The following EPAS1 variants were observed in gnomAD, a reference collection of about 807,000 sequenced individuals.
EPAS1 encodes endothelial PAS domain-containing protein 1.
In EPAS1, 23 loss-of-function variants were observed where a neutral mutation model predicts 87.9. The ratio of observed to expected loss-of-function variants is 0.26; its 90% confidence interval spans 0.19 to 0.37. The LOEUF (loss-of-function observed/expected upper bound fraction) is 0.37, where lower values mean the gene tolerates loss of function less well. Among genes scored for constraint, EPAS1 ranks in the 10% least tolerant of loss-of-function variants. The pLI, the probability that EPAS1 is intolerant of heterozygous loss-of-function variation, is 1.00. For synonymous variants in EPAS1, 508 were observed against 444.3 expected (o/e 1.14, Z -1.80); for missense variants, 1,138 against 1,120.7 (o/e 1.02, Z -0.22).
At chr2:46,337,449 C>G (rs1683816114) in intron 1 of EPAS1, among the ~76,000 whole-genome samples, 2 of 152,164 alleles carry the variant, frequency 1.3e-5, no homozygotes, top group Admixed American at 6.5e-5. Flanking sequence ...TAAGTCCCCC[C>G]TAGAGACTGA....
In EPAS1 at chr2:46,375,830, G is replaced by A. The variant is rs574490008; in HGVS notation, c.1027G>A (p.Val343Ile). The change falls in exon 8 of 16, where the codon GTC becomes ATC. Residue 343 changes from valine to isoleucine, a missense_variant. This residue lies in a region of EPAS1 where 284 missense variants were observed against 258.4 expected (regional missense o/e 1.10). Coordinates refer to ENST00000263734, the MANE Select transcript of EPAS1 (RefSeq NM_001430.5). The surrounding 1 kb of genome is among the most constrained non-coding windows in gnomAD (Gnocchi z 4.1). ...QPQCIMCVNY[V>I]LSEIEKNDVV... ...CCAGTGCATCATGTGTGTCAACTAC[G>A]TCCTGAGGTAAGCATGTGAGGGCTG... is the stretch of plus-strand genomic sequence containing the variant. The A allele has an allele frequency of 4.3e-5, 70 of 1,614,188 alleles. 1 individual carries two copies. Among genetic ancestry groups the A allele is most frequent in the South Asian group, 1.9e-4 (17 of 91,076 alleles).
At chr2:46,359,986 T>G (rs1167692674) in intron 4 of EPAS1, among the ~76,000 whole-genome samples, 1 of 152,182 alleles carries the variant, frequency 6.6e-6, no homozygotes, top group Non-Finnish European at 1.5e-5. Flanking sequence ...CCAGGTTGAG[T>G]TAATCCATAA....
chr2:46,303,396 A>G (rs1023459142), intron 1 of EPAS1, among the ~76,000 whole-genome samples: 4 of 152,194 alleles, frequency 2.6e-5, no homozygotes, highest in East Asian at 1.9e-4. Flanking sequence ...AAGGCTCCCT[A>G]TGGTGTATCC....
intron 2 of EPAS1, among the ~76,000 whole-genome samples, chr2:46,349,515 C>G (rs772353870): frequency 1.3e-5 from 2 of 152,216 alleles, no homozygotes; most frequent in African/African-American, 4.8e-5. Context: ...ACAAACTTGC[C>G]TGCCCTCTGG....
rs756976920 is a variant in EPAS1 at position 46,304,301 on chromosome 2, G to T, written c.26+6364G>T. On this transcript the variant is annotated intron_variant, in intron 1 of 15. Coordinates refer to ENST00000263734, the MANE Select transcript of EPAS1 (RefSeq NM_001430.5). ...TCATTGATGGGAAAGCTGAAGTCTA[G>T]AAGGGCTAACTGCCCAAGGTCGTAT... Among the ~76,000 whole-genome samples, 3 of 152,116 alleles carry T rather than the reference G, an allele frequency of 2.0e-5. 1 individual carries two copies. The East Asian group carries it at 5.8e-4, about 29-fold the overall frequency.
At chr2:46,340,237 A>T (rs1459380539) in intron 1 of EPAS1, among the ~76,000 whole-genome samples, 1 of 151,976 alleles carries the variant, frequency 6.6e-6, no homozygotes, top group African/African-American at 2.4e-5. Context: ...GCCAGAAGAT[A>T]AGTATCTCCA....
In EPAS1 at chr2:46,346,988, A is replaced by G. The variant is rs1296479562; in HGVS notation, c.142A>G (p.Ser48Gly). The G allele has an allele frequency of 6.2e-7, 1 of 1,614,144 alleles. No homozygotes were observed. The highest frequency in any genetic ancestry group is 1.1e-5 in the South Asian group (1 of 91,082). Reference sequence around the variant, plus strand: ...TGAGCTGCCTCTGCCCCACAGTGTGAGCTCCCATCTGGACAAGGCCTCCAT... The same window carrying G: ...TGAGCTGCCTCTGCCCCACAGTGTGGGCTCCCATCTGGACAAGGCCTCCAT... Reference protein sequence around the residue: ...AHELPLPHSVSSHLDKASIMR... With the variant: ...AHELPLPHSVGSHLDKASIMR... Residue 48 changes from serine (S) to glycine (G), a missense_variant, in exon 2 of 16, where the codon AGC becomes GGC. Ser to Gly is a moderately conservative substitution (Grantham distance 56). Around this residue, in one of 4 missense-constraint regions of EPAS1, gnomAD observed 351 missense variants for 417.1 expected, o/e 0.84. Coordinates refer to ENST00000263734, the MANE Select transcript of EPAS1 (RefSeq NM_001430.5). The surrounding 1 kb of genome is among the most constrained non-coding windows in gnomAD (Gnocchi z 4.0).
intron 2 of EPAS1, among the ~76,000 whole-genome samples, chr2:46,351,198 C>T (rs1205186765): frequency 6.6e-6 from 1 of 152,198 alleles, no homozygotes; most frequent in East Asian, 1.9e-4. Context: ...AGCTAATATA[C>T]AGTCTCTTCT....
intron 1 of EPAS1, among the ~76,000 whole-genome samples, chr2:46,334,145 T>TG (rs774118791): frequency 4.6e-5 from 7 of 152,168 alleles, no homozygotes; most frequent in Non-Finnish European, 1.0e-4. Flanking sequence ...TTCTCACACT[T>TG]GCTGTCCAGC....
intron 1 of EPAS1, among the ~76,000 whole-genome samples, chr2:46,312,238 C>T (rs1470230330): frequency 6.6e-6 from 1 of 152,054 alleles, no homozygotes; most frequent in Non-Finnish European, 1.5e-5. Flanking sequence ...TTTTTTGTGT[C>T]CCTGGCAAAG....
intron 1 of EPAS1, among the ~76,000 whole-genome samples, chr2:46,313,689 G>A (rs548391710): frequency 1.3e-5 from 2 of 152,258 alleles, no homozygotes; most frequent in South Asian, 4.1e-4. Context: ...GACCTCAGGT[G>A]ATCTGCCCGC....
intron 7 of EPAS1, among the ~76,000 whole-genome samples, chr2:46,372,287 C>T (rs1395934184): frequency 1.3e-5 from 2 of 152,196 alleles, no homozygotes; most frequent in Admixed American, 1.3e-4. Context: ...ATGACACGAG[C>T]TTGCCCCTTG....
rs928100971 is a variant in EPAS1, at chr2:46,380,400, T to C, written c.1728T>C (p.Pro576=). The C allele has an allele frequency of 6.2e-7, 1 of 1,614,144 alleles. No individual in the cohort carries two copies. ...CAAACATCTTCCAGCCACTGGCCCCTGTAGCCCCGCACAGTCCCTTCCTCC... is the reference window on the plus strand; with the variant it reads ...CAAACATCTTCCAGCCACTGGCCCCCGTAGCCCCGCACAGTCCCTTCCTCC... ...AMTNIFQPLA[P]VAPHSPFLLD... is the part of the protein sequence containing the mutation. The change falls in exon 12 of 16, where the codon CCT becomes CCC. Residue 576 remains proline, a synonymous_variant. Transcript: ENST00000263734. The surrounding 1 kb of genome is among the most constrained non-coding windows in gnomAD (Gnocchi z 4.4).
chr2:46,318,789 A>C (rs1683396357), intron 1 of EPAS1, among the ~76,000 whole-genome samples: 1 of 152,248 alleles, frequency 6.6e-6, no homozygotes, highest in East Asian at 1.9e-4. Flanking sequence ...TAATAGTATT[A>C]ATTGTGAAGC....
Position 46,385,124 on chromosome 2 carries a change from G to A in EPAS1, c.*464G>A, listed in dbSNP as rs530120899. 9.7e-5 allele frequency: 17 copies of A among 175,516 alleles called. No homozygotes were observed. Among genetic ancestry groups the A allele is most frequent in the South Asian group, 1.3e-4 (1 of 7,944 alleles). 10.9% of individuals were successfully genotyped at this position (175,516 alleles called of 1,614,324 possible). On this transcript the variant is annotated 3_prime_UTR_variant, in exon 16 of 16. Transcript: ENST00000263734. ...TTGCTTTCCAAGCTTGGTTTGTGGC[G>A]TCTCCCTCGCAGAGCCCTTCTCGTT...
chr2:46,302,797 G>T (rs1450646002), intron 1 of EPAS1, among the ~76,000 whole-genome samples: 1 of 151,790 alleles, frequency 6.6e-6, no homozygotes, highest in Non-Finnish European at 1.5e-5. Context: ...TAAGGGGTTG[G>T]GCGTGGTAAC....
intron 3 of EPAS1, 133 bp from the exon 4 acceptor site, chr2:46,356,591 C>G: frequency 1.3e-6 from 1 of 785,494 alleles, no homozygotes; most frequent in Non-Finnish European, 2.3e-6. Context: ...GGACCTGACA[C>G]TGGACTGGGA....
At chr2:46,383,024 A>T (rs890269818) in intron 15 of EPAS1, among the ~76,000 whole-genome samples, 2 of 151,982 alleles carry the variant, frequency 1.3e-5, no homozygotes, top group Non-Finnish European at 2.9e-5. Context: ...TCAGAGAGAG[A>T]GAGTTGGGAA....
chr2:46,325,514 C>G (rs1055904886), intron 1 of EPAS1, among the ~76,000 whole-genome samples: 2 of 152,122 alleles, frequency 1.3e-5, no homozygotes, highest in African/African-American at 4.8e-5. Flanking sequence ...TGGTGGTGAC[C>G]TCCTAGTAGT....
Sources: allele counts gnomAD v4.1 joint callset (sites outside exome capture counted in the v4.1 genomes callset), GRCh38; gene constraint gnomAD v4.1.1; regional missense constraint gnomAD v4.1.1; non-coding constraint Gnocchi (gnomAD v3.1); transcripts MANE v1.5; gene names NCBI Gene and HGNC (gene_info 2026-07-23, HGNC 2026-07-21).